The following NLGN4X variants were observed in gnomAD, a reference collection of about 807,000 sequenced individuals.
NLGN4X encodes neuroligin 4 X-linked.
In NLGN4X, 3 loss-of-function variants were observed where a neutral mutation model predicts 40.3. That is an observed-to-expected ratio of 0.07 (90% CI 0.03 to 0.19). The LOEUF (loss-of-function observed/expected upper bound fraction) is 0.19, where lower values mean the gene tolerates loss of function less well. Ranked by LOEUF, NLGN4X falls within the 10% of genes least tolerant of loss-of-function variation. The pLI is 1.00. For missense variants in NLGN4X, 382 were observed against 708.3 expected (o/e 0.54, Z 5.23); for synonymous variants, 270 against 306.8 (o/e 0.88, Z 1.25).
chrX:6,167,964 T>G (rs770911687), intron 1 of NLGN4X, among the ~76,000 whole-genome samples: 13 of 112,080 alleles, frequency 1.2e-4, no homozygotes, highest in Non-Finnish European at 1.9e-4. Context: ...TCTTTCTGTA[T>G]AGATAGGATT....
At chrX:5,956,252 G>GA (rs1241498549) in intron 3 of NLGN4X, among the ~76,000 whole-genome samples, 3 of 107,541 alleles carry the variant, frequency 2.8e-5, no homozygotes, top group African/African-American at 6.8e-5. Context: ...TGACTCTCAA[G>GA]AAAAAAATGC....
intron 1 of NLGN4X, among the ~76,000 whole-genome samples, chrX:6,193,680 AT>A (rs1403927373): frequency 9.0e-6 from 1 of 111,415 alleles, no homozygotes; most frequent in African/African-American, 3.3e-5. Flanking sequence ...ACCTACACAC[AT>A]GCATGGCTGC....
chrX:6,186,098 T>C (rs760154115), intron 1 of NLGN4X, among the ~76,000 whole-genome samples: 1 of 112,488 alleles, frequency 8.9e-6, no homozygotes, highest in African/African-American at 3.2e-5. Flanking sequence ...TAATTTAAAA[T>C]GTATGCACGG....
At chrX:5,925,825 CAT>C (rs1181288808) in intron 3 of NLGN4X, among the ~76,000 whole-genome samples, 37 of 43,341 alleles carry the variant, frequency 8.5e-4, no homozygotes, top group East Asian at 2.3e-3. Flanking sequence ...TGAATCCCAC[CAT>C]ATATATATAT....
chrX:5,935,321 T>C (rs1009937479), intron 3 of NLGN4X, among the ~76,000 whole-genome samples: 6 of 112,383 alleles, frequency 5.3e-5, no homozygotes, highest in African/African-American at 1.9e-4. Flanking sequence ...AATAAACATT[T>C]CTTTATCTGA....
intron 4 of NLGN4X, among the ~76,000 whole-genome samples, chrX:5,908,412 T>C (rs2032316401): frequency 9.0e-6 from 1 of 111,353 alleles, no homozygotes; most frequent in African/African-American, 3.3e-5. Context: ...GGTTACAAAA[T>C]CTATACACCC....
chrX:6,039,242 G>A (rs1412919904), intron 2 of NLGN4X, among the ~76,000 whole-genome samples: 2 of 111,369 alleles, frequency 1.8e-5, no homozygotes, highest in Admixed American at 1.9e-4. Context: ...TTCTGCCACT[G>A]TCCTGTGAAA....
At chrX:6,101,332 A>C (rs971837122) in intron 2 of NLGN4X, among the ~76,000 whole-genome samples, 1 of 111,698 alleles carries the variant, frequency 9.0e-6, no homozygotes, top group African/African-American at 3.3e-5. Context: ...CCCCCAAAGA[A>C]AGGAAATCAG....
chrX:6,098,299 A>C (rs1300483647), intron 2 of NLGN4X, among the ~76,000 whole-genome samples: 1 of 111,767 alleles, frequency 8.9e-6, no homozygotes, highest in African/African-American at 3.3e-5. Flanking sequence ...GCTCTCTCAA[A>C]TAAAATACAT....
chrX:5,987,288 G>A (rs2035556184), intron 3 of NLGN4X, among the ~76,000 whole-genome samples: 1 of 112,147 alleles, frequency 8.9e-6, no homozygotes, highest in Admixed American at 9.4e-5. Context: ...TGTGATTCAG[G>A]GATGCCTTTA....
intron 2 of NLGN4X, among the ~76,000 whole-genome samples, chrX:6,121,791 C>T (rs1025579897): frequency 8.9e-6 from 1 of 112,668 alleles, no homozygotes; most frequent in African/African-American, 3.2e-5. Context: ...GTGGAGTCCT[C>T]TGAGACTCAG....
rs28628040 is a variant in NLGN4X at position 5,919,965 on chromosome X, G to C, written c.626-10726C>G. 8.4e-3 allele frequency among the ~76,000 whole-genome samples: 942 copies of C among 111,570 alleles called. 9 individuals are homozygous for C. Among genetic ancestry groups the C allele is most frequent in the African/African-American group, 0.03 (907 of 30,698 alleles). ...CTCTCTGAGTTCTTCATGGTGTCTG[G>C]AAGGCCCCGTCAATACATTCTCTTG... On this transcript the variant is annotated intron_variant, in intron 3 of 5. Transcript: ENST00000381095.
chrX:5,968,187 C>T (rs1188755428), intron 3 of NLGN4X, among the ~76,000 whole-genome samples: 1 of 108,868 alleles, frequency 9.2e-6, no homozygotes, highest in Non-Finnish European at 1.9e-5. Context: ...ATTTTTATTA[C>T]AACTCTCAGC....
chrX:5,961,995 T>C (rs2034677481), intron 3 of NLGN4X, among the ~76,000 whole-genome samples: 1 of 112,054 alleles, frequency 8.9e-6, no homozygotes, highest in Non-Finnish European at 1.9e-5. Flanking sequence ...TTTCCCTTCA[T>C]GGCATCTTAT....
At position 5,946,508 on chromosome X, in the gene NLGN4X, T is replaced by C. The variant is rs754623685; in HGVS notation, c.626-37269A>G. On this transcript the variant is annotated intron_variant, in intron 3 of 5. Transcript: ENST00000381095. ...ATCAAATTAGTATGTGGAGCTCCTA[T>C]AGTTTATTTAAAAATCAAGTAGAAC... Among the ~76,000 whole-genome samples, 5 of 110,897 alleles carry C rather than the reference T, an allele frequency of 4.5e-5. No individual in the cohort carries two copies. In the South Asian group the frequency reaches 1.5e-3, roughly 34 times the overall value.
chrX:6,009,450 A>G (rs2036190890), intron 3 of NLGN4X, among the ~76,000 whole-genome samples: 1 of 112,275 alleles, frequency 8.9e-6, no homozygotes. Context: ...TACTTTATTA[A>G]CAGCCATCCT....
chrX:5,987,513 G>C (rs1317195990), intron 3 of NLGN4X, among the ~76,000 whole-genome samples: 2 of 112,359 alleles, frequency 1.8e-5, no homozygotes, highest in African/African-American at 6.5e-5. Context: ...AGAACACACA[G>C]AACTTTGGTT....
intron 3 of NLGN4X, among the ~76,000 whole-genome samples, chrX:5,947,714 T>G (rs1398005596): frequency 8.9e-6 from 1 of 112,067 alleles, no homozygotes. Context: ...GTAAAGACAT[T>G]TCTGATGGAG....
intron 1 of NLGN4X, among the ~76,000 whole-genome samples, chrX:6,181,248 A>G (rs954929750): frequency 2.7e-5 from 3 of 111,697 alleles, no homozygotes; most frequent in African/African-American, 6.5e-5. Flanking sequence ...TGACTGCTTT[A>G]GTAATCTATT....
Sources: gnomAD v4.1 joint callset for allele counts (sites outside exome capture counted in the v4.1 genomes callset) on GRCh38, gnomAD v4.1.1 for gene constraint, MANE v1.5 for transcripts, NCBI Gene and HGNC (gene_info 2026-07-23, HGNC 2026-07-21) for gene names.